The following LONP2 variants were observed in gnomAD, a reference collection of about 807,000 sequenced individuals.
LONP2 encodes lon peptidase 2, peroxisomal.
In LONP2, 60 loss-of-function variants were observed where a neutral mutation model predicts 85.6. The ratio of observed to expected loss-of-function variants is 0.70; its 90% CI spans 0.57 to 0.87. The LOEUF (loss-of-function observed/expected upper bound fraction) is 0.87. Among genes scored for constraint, LONP2 ranks in the 40% least tolerant of loss-of-function variants. LONP2 has a pLI of 0.00. For missense variants in LONP2, 860 were observed against 1,063.5 expected, an observed-to-expected ratio of 0.81 and a Z score of 2.66; for synonymous variants, 395 against 389.7, an observed-to-expected ratio of 1.01 and a Z score of -0.16.
Position 48,244,589 on chromosome 16 carries a change from C to T in LONP2, c.201C>T (p.Ala67=), listed in dbSNP as rs1236206023. The T allele has an allele frequency of 9.4e-6, 14 of 1,491,988 alleles. No homozygotes were observed. The highest frequency in any genetic ancestry group is 5.8e-5 in the African/African-American group (4 of 69,168). The allele number at this position is 1,491,988 out of a possible 1,614,324, so 92.4% of individuals were successfully genotyped here. A position where few individuals can be genotyped will look rare whatever the true frequency, so the allele number is the denominator to read the frequency against. ...TCATCCCCAACACGCCTGACCCCGC[C>T]AGCGACGCGCAGGACCTGCCGCCGC... ...LGVIPNTPDP[A]SDAQDLPPLH... The change falls in exon 1 of 15, where the codon GCC becomes GCT. Residue 67 remains alanine (A), a synonymous_variant. Coordinates refer to ENST00000285737, the MANE Select transcript of LONP2 (RefSeq NM_031490.5).
At chr16:48,281,469 G>A (rs1972326761) in intron 8 of LONP2, among the ~76,000 whole-genome samples, 1 of 152,190 alleles carries the variant, frequency 6.6e-6, no homozygotes, top group African/African-American at 2.4e-5. Flanking sequence ...TAACTGAGTA[G>A]CACTAAAATA....
intron 8 of LONP2, among the ~76,000 whole-genome samples, chr16:48,291,721 A>G (rs963178206): frequency 1.3e-5 from 2 of 152,242 alleles, no homozygotes; most frequent in Admixed American, 6.5e-5. Flanking sequence ...ATGAGGTTTG[A>G]TAGCTACAAA....
At chr16:48,271,793 A>G (rs1972111743) in intron 7 of LONP2, among the ~76,000 whole-genome samples, 1 of 152,208 alleles carries the variant, frequency 6.6e-6, no homozygotes, top group African/African-American at 2.4e-5. Context: ...CGTGCAGATC[A>G]GAGTAGAGAA....
intron 3 of LONP2, among the ~76,000 whole-genome samples, chr16:48,257,723 T>A (rs1489904499): frequency 6.6e-6 from 1 of 152,256 alleles, no homozygotes; most frequent in Non-Finnish European, 1.5e-5. Flanking sequence ...CCAACTGTTA[T>A]AATAGCAAAT....
chr16:48,262,738 G>A (rs755997929), intron 5 of LONP2, 40 bp from the exon 6 acceptor site: 2 of 1,288,804 alleles, frequency 1.6e-6, no homozygotes, highest in South Asian at 1.3e-5. Context: ...GAATTTTTCT[G>A]TGTTCTTGAA....
At chr16:48,321,944 C>CTTTTTTTTTTTTATTTTTTTTT in intron 11 of LONP2, among the ~76,000 whole-genome samples, 1 of 141,482 alleles carries the variant, frequency 7.1e-6, no homozygotes. Flanking sequence ...TAATTTTTTT[C>CTTTTTTTTTTTTATTTTTTTTT]TTTTTTTTTT....
chr16:48,254,622 G>A (rs777508259), intron 2 of LONP2, among the ~76,000 whole-genome samples: 8 of 151,964 alleles, frequency 5.3e-5, no homozygotes, highest in Non-Finnish European at 1.2e-4. Flanking sequence ...CACCACGCCC[G>A]GCCTCCATCT....
At chr16:48,285,914 G>A (rs1006923496) in intron 8 of LONP2, among the ~76,000 whole-genome samples, 5 of 152,070 alleles carry the variant, frequency 3.3e-5, no homozygotes, top group African/African-American at 1.2e-4. Context: ...TAAAGTGAAG[G>A]TGTATACTCA....
chr16:48,341,242 A>G (rs915246921), intron 12 of LONP2, among the ~76,000 whole-genome samples: 2 of 152,084 alleles, frequency 1.3e-5, no homozygotes, highest in Non-Finnish European at 2.9e-5. Context: ...GGAGGTTGCA[A>G]TGAGCTGAGA....
intron 8 of LONP2, among the ~76,000 whole-genome samples, chr16:48,294,184 G>A (rs965208771): frequency 1.3e-5 from 2 of 152,018 alleles, no homozygotes; most frequent in Admixed American, 1.3e-4. Context: ...CAACTGATCT[G>A]CCTGCTTCGG....
intron 4 of LONP2, among the ~76,000 whole-genome samples, chr16:48,260,712 G>A (rs62059407): frequency 0.063 from 9,567 of 152,290 alleles, 426 homozygotes; most frequent in Non-Finnish European, 0.1. Context: ...TTTAACATAT[G>A]ATAGAGAGAT....
chr16:48,278,150 C>G (rs2150982936), intron 8 of LONP2, among the ~76,000 whole-genome samples: 1 of 152,032 alleles, frequency 6.6e-6, no homozygotes, highest in Middle Eastern at 3.4e-3. Context: ...TTTTCCTGTT[C>G]CTATTTTTGT....
chr16:48,286,652 A>G (rs1008138727), intron 8 of LONP2, among the ~76,000 whole-genome samples: 1 of 151,868 alleles, frequency 6.6e-6, no homozygotes, highest in Non-Finnish European at 1.5e-5. Context: ...CTACAGGCAC[A>G]CACCAGCATG....
At chr16:48,258,551 C>A in intron 3 of LONP2, 67 bp from the exon 4 acceptor site, 1 of 1,490,028 alleles carries the variant, frequency 6.7e-7, no homozygotes, top group South Asian at 1.4e-5. Context: ...AACCATGGCT[C>A]TGACTGTCTG....
chr16:48,291,379 G>C (rs1972553993), intron 8 of LONP2, among the ~76,000 whole-genome samples: 1 of 152,152 alleles, frequency 6.6e-6, no homozygotes, highest in Non-Finnish European at 1.5e-5. Context: ...CAGTTACCTA[G>C]TCTTGTGTAA....
At chr16:48,328,110 G>T (rs1254812210) in intron 11 of LONP2, among the ~76,000 whole-genome samples, 1 of 151,992 alleles carries the variant, frequency 6.6e-6, no homozygotes, top group Non-Finnish European at 1.5e-5. Context: ...TTTGCTAAAG[G>T]AAAACTAAGA....
rs149676300 is a variant in LONP2 at position 48,259,206 on chromosome 16, C to A, written c.723+466C>A. 1.2e-4 allele frequency among the ~76,000 whole-genome samples: 19 copies of A among 152,252 alleles called. No individual in the cohort carries two copies. The East Asian group carries it at 3.3e-3, about 26-fold the overall frequency. ...GTTTTCTAAGCTTAAGTCCTCTAAC[C>A]TTCAGTGGCTTGATAAATATTCACT... On this transcript the variant is annotated intron_variant, in intron 4 of 14. Coordinates refer to ENST00000285737, the MANE Select transcript of LONP2 (RefSeq NM_031490.5).
Position 48,290,469 on chromosome 16 carries a change from T to G in LONP2, c.1384-5546T>G. Among the ~76,000 whole-genome samples, 2 of 152,090 alleles carry G rather than the reference T, an allele frequency of 1.3e-5. 1 individual carries two copies. Among genetic ancestry groups the G allele is most frequent in the Admixed American group, 1.3e-4 (2 of 15,260 alleles). ...GAGTCCCACAAGACTGCCTCCCCCT[T>G]CAGATGCCAGTCGTGAGTTGACTTC... On this transcript the variant is annotated intron_variant, in intron 8 of 14. Coordinates refer to ENST00000285737, the MANE Select transcript of LONP2 (RefSeq NM_031490.5).
At chr16:48,287,141 T>C (rs915059534) in intron 8 of LONP2, among the ~76,000 whole-genome samples, 8 of 152,222 alleles carry the variant, frequency 5.3e-5, no homozygotes, top group African/African-American at 1.9e-4. Context: ...GGGGCTCTTA[T>C]GTGTGTATTG....
Sources: gnomAD v4.1 joint callset for allele counts (sites outside exome capture counted in the v4.1 genomes callset) on GRCh38, gnomAD v4.1.1 for gene constraint, MANE v1.5 for transcripts, NCBI Gene and HGNC (gene_info 2026-07-23, HGNC 2026-07-21) for gene names.